Variants in AGBL1 observed in about 807,000 individuals in gnomAD.
AGBL1 encodes the protein AGBL carboxypeptidase 1, also known as cytosolic carboxypeptidase 4.
In AGBL1, 130 loss-of-function variants were observed where a neutral mutation model predicts 118.9. The observed-to-expected ratio is 1.09, with a 90% CI of 0.95 to 1.26. The LOEUF (loss-of-function observed/expected upper bound fraction) is 1.26. AGBL1 is among the 50% of genes most tolerant of loss of function. The pLI is 0.00. For missense variants in AGBL1, 1,584 were observed against 1,298.1 expected (o/e 1.22, Z -3.38); for synonymous variants, 555 against 478.9 (o/e 1.16, Z -2.08).
rs191343059 is a variant in AGBL1, at chr15:86,125,464, G to A, written c.52-16540G>A. ...CCTTTTTGGCTTGTTTTGCAGCTGC[G>A]TTGAGAACTCCCATTCTGCTGGCAT... On this transcript the variant is annotated intron_variant, in intron 1 of 22. Transcript: ENST00000614907. Among the ~76,000 whole-genome samples the A allele has an allele frequency of 6.6e-5, 10 of 152,246 alleles. No homozygotes were observed. In the East Asian group the frequency reaches 9.6e-4, roughly 15 times the overall value.
chr15:86,656,590 ATAAAGTATCTCT>A (rs1309437421), intron 21 of AGBL1, among the ~76,000 whole-genome samples: 1 of 152,186 alleles, frequency 6.6e-6, no homozygotes, highest in Non-Finnish European at 1.5e-5. Context: ...TCAAAAAGTA[ATAAAGTATCTCT>A]TAAAATATGA....
At chr15:86,167,251 T>C (rs1401733173) in intron 5 of AGBL1, among the ~76,000 whole-genome samples, 1 of 97,060 alleles carries the variant, frequency 1.0e-5, no homozygotes, top group Non-Finnish European at 2.1e-5. Flanking sequence ...TTACTTTTCT[T>C]TTTTTTTTTT....
chr15:86,450,071 C>T (rs1284746216), intron 18 of AGBL1, among the ~76,000 whole-genome samples: 1 of 152,154 alleles, frequency 6.6e-6, no homozygotes, highest in Non-Finnish European at 1.5e-5. Flanking sequence ...CCATCAATGC[C>T]CAGTGACTTC....
rs2083896086 is a variant in AGBL1 at position 86,565,293 on chromosome 15, G to A, written c.2994+10756G>A. The stretch of plus-strand genomic sequence containing the variant: ...ACCTTTGGTCTTTGATGATGGTGAC[G>A]TACAGATGGGGTTTTGGTGTGGATA... On this transcript the variant is annotated intron_variant, in intron 21 of 22. Coordinates refer to ENST00000614907, the MANE Select transcript of AGBL1 (RefSeq NM_001386094.1). Among the ~76,000 whole-genome samples the A allele has an allele frequency of 2.6e-5, 4 of 152,288 alleles. No homozygotes were observed. The South Asian group carries it at 6.2e-4, about 24-fold the overall frequency.
intron 22 of AGBL1, among the ~76,000 whole-genome samples, chr15:86,766,851 C>CTA (rs1275472659): frequency 9.5e-6 from 1 of 105,454 alleles, no homozygotes; most frequent in Non-Finnish European, 1.8e-5. Context: ...ACAAAATAAT[C>CTA]TACACACACA....
At chr15:86,431,159 C>G (rs1274484923) in intron 18 of AGBL1, among the ~76,000 whole-genome samples, 1 of 152,224 alleles carries the variant, frequency 6.6e-6, no homozygotes, top group African/African-American at 2.4e-5. Context: ...ATGAACCTCA[C>G]TTCCCAGAAC....
At chr15:86,369,794 C>CT (rs1431847761) in intron 17 of AGBL1, among the ~76,000 whole-genome samples, 1 of 151,942 alleles carries the variant, frequency 6.6e-6, no homozygotes, top group Non-Finnish European at 1.5e-5. Context: ...ATAACAAGGG[C>CT]TACTGTATAA....
At chr15:86,450,390 G>A (rs923776455) in intron 18 of AGBL1, among the ~76,000 whole-genome samples, 7 of 152,176 alleles carry the variant, frequency 4.6e-5, no homozygotes, top group South Asian at 2.1e-4. Context: ...TGGCTGGGTC[G>A]GATGTACAGT....
At chr15:86,183,521 C>T (rs1180514711) in intron 5 of AGBL1, among the ~76,000 whole-genome samples, 1 of 152,092 alleles carries the variant, frequency 6.6e-6, no homozygotes, top group Non-Finnish European at 1.5e-5. Context: ...CATGCTGTAG[C>T]ATGATGAGTT....
intron 1 of AGBL1, among the ~76,000 whole-genome samples, chr15:86,085,923 C>A (rs1895615054): frequency 6.6e-6 from 1 of 152,336 alleles, no homozygotes; most frequent in Middle Eastern, 3.4e-3. Context: ...AAATTGAGAG[C>A]AGTTGGCATT....
chr15:86,512,483 C>G lies in AGBL1; in HGVS notation c.2556-10327C>G, dbSNP rs988332580. Among the ~76,000 whole-genome samples the G allele has an allele frequency of 1.4e-4, 21 of 151,400 alleles. 1 individual carries two copies. Among genetic ancestry groups the G allele is most frequent in the Non-Finnish European group, 4.4e-5 (3 of 67,758 alleles). On this transcript the variant is annotated intron_variant, in intron 18 of 22. Transcript: ENST00000614907. ...TTCAATTTTCTTTTGAAACATTGTCCTCAAAAAGGTGTAATCTAATTTTTT... is the reference window on the plus strand; with the variant it reads ...TTCAATTTTCTTTTGAAACATTGTCGTCAAAAAGGTGTAATCTAATTTTTT...
chr15:86,095,147 A>T (rs1238673952), intron 1 of AGBL1, among the ~76,000 whole-genome samples: 1 of 152,202 alleles, frequency 6.6e-6, no homozygotes, highest in Non-Finnish European at 1.5e-5. Flanking sequence ...GTGCAGGAAC[A>T]TTAGTCCCAG....
chr15:86,308,945 A>G (rs1050415736), intron 17 of AGBL1, among the ~76,000 whole-genome samples: 1 of 152,064 alleles, frequency 6.6e-6, no homozygotes, highest in African/African-American at 2.4e-5. Flanking sequence ...GAATTGTTTT[A>G]TCTATTTCTG....
chr15:86,643,101 C>A (rs1368263522), intron 21 of AGBL1, among the ~76,000 whole-genome samples: 1 of 152,022 alleles, frequency 6.6e-6, no homozygotes, highest in African/African-American at 2.4e-5. Flanking sequence ...AAAATGGCTG[C>A]AGCAATTTCA....
chr15:86,229,762 G>A (rs1196040963), intron 6 of AGBL1, among the ~76,000 whole-genome samples: 1 of 152,114 alleles, frequency 6.6e-6, no homozygotes, highest in African/African-American at 2.4e-5. Flanking sequence ...GTAAGTGTGC[G>A]GCAATGGGAT....
chr15:86,860,159 A>G (rs2079541421), intron 22 of AGBL1, among the ~76,000 whole-genome samples: 1 of 152,100 alleles, frequency 6.6e-6, no homozygotes, highest in African/African-American at 2.4e-5. Flanking sequence ...CAAGTTACCA[A>G]GCCTCTCTGA....
intron 18 of AGBL1, among the ~76,000 whole-genome samples, chr15:86,505,555 GTGATT>G (rs566934811): frequency 1.8e-4 from 27 of 152,008 alleles, no homozygotes; most frequent in African/African-American, 6.5e-4. Context: ...AGGATCTGTA[GTGATT>G]TGTAAATTTC....
chr15:86,456,111 C>A (rs545452782), intron 18 of AGBL1, among the ~76,000 whole-genome samples: 1 of 152,042 alleles, frequency 6.6e-6, no homozygotes, highest in Non-Finnish European at 1.5e-5. Context: ...AAATTTCAAC[C>A]AATTTTAAAA....
intron 22 of AGBL1, among the ~76,000 whole-genome samples, chr15:86,723,603 C>G (rs919683293): frequency 1.3e-5 from 2 of 151,868 alleles, no homozygotes; most frequent in African/African-American, 4.8e-5. Flanking sequence ...CGTGTATACA[C>G]ATGTAACTAA....
Sources: gnomAD v4.1 joint callset for allele counts (sites outside exome capture counted in the v4.1 genomes callset) on GRCh38, gnomAD v4.1.1 for gene constraint, MANE v1.5 for transcripts, NCBI Gene and HGNC (gene_info 2026-07-23, HGNC 2026-07-21) for gene names.